The following PDE1C variants were observed in gnomAD, a reference collection of about 807,000 sequenced individuals.
PDE1C encodes the protein dual specificity calcium/calmodulin-dependent 3',5'-cyclic nucleotide phosphodiesterase 1C.
Under a neutral mutation model 93.1 loss-of-function variants are expected in PDE1C, and 62 were observed. The observed-to-expected ratio is 0.67, with a 90% CI of 0.54 to 0.82. The LOEUF is 0.82. Ranked by LOEUF, PDE1C falls within the 40% of genes least tolerant of loss-of-function variation. PDE1C has a pLI of 0.00. For synonymous variants in PDE1C, 325 were observed against 310.1 expected, an observed-to-expected ratio of 1.05 and a Z score of -0.50; for missense variants, 742 against 884.6, an observed-to-expected ratio of 0.84 and a Z score of 2.04.
intron 16 of PDE1C, chr7:31,786,452 G>A (rs1783950839): frequency 6.6e-6 from 1 of 152,102 alleles, no homozygotes; most frequent in South Asian, 2.1e-4. Context: ...CATATACTTA[G>A]AAGATAAGCC....
intron 2 of PDE1C, among the ~76,000 whole-genome samples, chr7:31,930,060 T>C (rs1803975654): frequency 6.6e-6 from 1 of 151,712 alleles, no homozygotes. Context: ...ATAGACACAA[T>C]AAAAAATGAT....
At chr7:31,649,000 C>T in the PDE1C span, among the ~76,000 whole-genome samples, 1 of 152,254 alleles carries the variant, frequency 6.6e-6, no homozygotes, top group Non-Finnish European at 1.5e-5. Flanking sequence ...GAGCCATAAT[C>T]TAGCATTCCT....
intron 1 of PDE1C, among the ~76,000 whole-genome samples, chr7:32,374,505 G>C (rs993069838): frequency 6.6e-6 from 1 of 152,336 alleles, no homozygotes; most frequent in African/African-American, 2.4e-5. Flanking sequence ...GTGCCAAGCA[G>C]CATGGGGAGG....
intron 6 of PDE1C, among the ~76,000 whole-genome samples, chr7:31,866,992 G>A (rs933234709): frequency 1.3e-5 from 2 of 152,034 alleles, no homozygotes; most frequent in African/African-American, 4.8e-5. Flanking sequence ...CCCCTACCCA[G>A]CTACAGCAAG....
intron 3 of PDE1C, among the ~76,000 whole-genome samples, chr7:32,095,277 C>T (rs1797690909): frequency 1.3e-5 from 2 of 152,208 alleles, no homozygotes; most frequent in South Asian, 4.1e-4. Context: ...AGTGGCATTT[C>T]CGATGAGGGG....
chr7:31,961,038 A>T (rs192090856), intron 2 of PDE1C, among the ~76,000 whole-genome samples: 12 of 152,284 alleles, frequency 7.9e-5, no homozygotes, highest in Admixed American at 3.3e-4. Context: ...CTAAAGAAAT[A>T]GTAAAGAAAG....
At chr7:32,262,345 G>C (rs946457195) in intron 1 of PDE1C, among the ~76,000 whole-genome samples, 1 of 152,258 alleles carries the variant, frequency 6.6e-6, no homozygotes, top group South Asian at 2.1e-4. Flanking sequence ...GAGTGAGCAG[G>C]TGCTGGGAGG....
intron 2 of PDE1C, among the ~76,000 whole-genome samples, chr7:31,881,352 A>G (rs1051655614): frequency 6.6e-6 from 1 of 152,332 alleles, no homozygotes; most frequent in Non-Finnish European, 1.5e-5. Flanking sequence ...GAAGGAATAG[A>G]TGAAAGTAAA....
intron 17 of PDE1C, among the ~76,000 whole-genome samples, chr7:31,760,351 A>T (rs531622750): frequency 2.0e-4 from 31 of 152,212 alleles, no homozygotes; most frequent in Admixed American, 7.2e-4. Context: ...TCATTAACCC[A>T]GTATACCCTG....
intron 2 of PDE1C, among the ~76,000 whole-genome samples, chr7:31,980,786 ATCT>A (rs1812274073): frequency 6.6e-6 from 1 of 152,154 alleles, no homozygotes; most frequent in Admixed American, 6.5e-5. Context: ...TGCCTTTTCA[ATCT>A]TCTGGAGACC....
chr7:32,233,526 G>A (rs1228479171), intron 1 of PDE1C, among the ~76,000 whole-genome samples: 1 of 152,078 alleles, frequency 6.6e-6, no homozygotes, highest in Non-Finnish European at 1.5e-5. Context: ...CAGAAAGCAG[G>A]AGTGGCTGTA....
the PDE1C span, among the ~76,000 whole-genome samples, chr7:31,662,513 A>G: frequency 2.6e-5 from 4 of 151,982 alleles, no homozygotes; most frequent in African/African-American, 4.8e-5. Flanking sequence ...TTAGGAACTC[A>G]TAGTGTTTTT....
the PDE1C span, chr7:31,658,470 G>T: frequency 2.3e-6 from 3 of 1,288,420 alleles, no homozygotes; most frequent in Non-Finnish European, 3.0e-6. Context: ...TTGTAAAGAG[G>T]TTAGAGTATC....
intron 2 of PDE1C, among the ~76,000 whole-genome samples, chr7:31,951,940 C>T (rs1022722066): frequency 6.6e-6 from 1 of 152,140 alleles, no homozygotes; most frequent in African/African-American, 2.4e-5. Context: ...GTTATGAATT[C>T]CATAACAAAT....
At chr7:31,861,513 C>T (rs997116228) in intron 7 of PDE1C, among the ~76,000 whole-genome samples, 8 of 151,998 alleles carry the variant, frequency 5.3e-5, no homozygotes, top group African/African-American at 1.9e-4. Flanking sequence ...ATCTTAAACT[C>T]TACATGTCTA....
chr7:32,105,306 C>A (rs894868248), intron 3 of PDE1C, among the ~76,000 whole-genome samples: 8 of 151,924 alleles, frequency 5.3e-5, no homozygotes, highest in Admixed American at 2.6e-4. Context: ...AGGAACCTGA[C>A]AAGCAAAGAG....
intron 2 of PDE1C, among the ~76,000 whole-genome samples, chr7:31,935,806 T>C (rs1804968401): frequency 6.6e-6 from 1 of 152,028 alleles, no homozygotes; most frequent in Non-Finnish European, 1.5e-5. Flanking sequence ...TCCTCTTATT[T>C]ATCAGGGTCT....
At chr7:32,288,621 C>T (rs1812151233) in intron 1 of PDE1C, among the ~76,000 whole-genome samples, 1 of 152,126 alleles carries the variant, frequency 6.6e-6, no homozygotes, top group Non-Finnish European at 1.5e-5. Context: ...TGACTGATTC[C>T]TCTCCAATAT....
At chr7:32,070,628 G>C, upstream of PDE1C, 2 of 1,404,788 alleles carry the variant, frequency 1.4e-6, no homozygotes, top group Middle Eastern at 2.7e-4. Flanking sequence ...CCATGGTCCC[G>C]GGCTAATGCC....
Sources: allele counts gnomAD v4.1 joint callset (sites outside exome capture counted in the v4.1 genomes callset), GRCh38; gene constraint gnomAD v4.1.1; transcripts MANE v1.5; gene names NCBI Gene and HGNC (gene_info 2026-07-23, HGNC 2026-07-21).